RBFOX1: variants seen among roughly 807,000 people sequenced by gnomAD.
RBFOX1 encodes RNA binding protein fox-1 homolog 1.
RBFOX1 carries 8 observed loss-of-function variants against 57.7 expected under a neutral mutation model. The observed-to-expected ratio is 0.14, with a 90% CI of 0.08 to 0.25. The LOEUF (loss-of-function observed/expected upper bound fraction) is 0.25. Among genes scored for constraint, RBFOX1 ranks in the 10% least tolerant of loss-of-function variants. RBFOX1 has a pLI of 1.00. For synonymous variants in RBFOX1, 326 were observed against 222.4 expected, an observed-to-expected ratio of 1.47 and a Z score of -4.15; for missense variants, 611 against 548.5, an observed-to-expected ratio of 1.11 and a Z score of -1.14.
chr16:6,696,256 C>T (rs1273378133), intron 3 of RBFOX1, among the ~76,000 whole-genome samples: 1 of 152,122 alleles, frequency 6.6e-6, no homozygotes, highest in Non-Finnish European at 1.5e-5. Flanking sequence ...ATTACAGGCA[C>T]ATAATTGTCA....
intron 2 of RBFOX1, among the ~76,000 whole-genome samples, chr16:6,391,757 A>G (rs1333034434): frequency 6.6e-6 from 1 of 152,158 alleles, no homozygotes. Flanking sequence ...CAGGGAGAGA[A>G]GGAGAAGATT....
chr16:6,499,700 G>T (rs1342429471), intron 2 of RBFOX1, among the ~76,000 whole-genome samples: 1 of 151,898 alleles, frequency 6.6e-6, no homozygotes, highest in African/African-American at 2.4e-5. Context: ...TCCTATGTTG[G>T]CTGGTTTTCC....
At chr16:6,966,336 C>G (rs143539989) in intron 3 of RBFOX1, among the ~76,000 whole-genome samples, 4 of 152,064 alleles carry the variant, frequency 2.6e-5, no homozygotes, top group Non-Finnish European at 5.9e-5. Flanking sequence ...AGTTTTGGCT[C>G]TCAGAGCACA....
chr16:5,506,382 C>G (rs1357112970), intron 2 of RBFOX1, among the ~76,000 whole-genome samples: 1 of 152,218 alleles, frequency 6.6e-6, no homozygotes, highest in African/African-American at 2.4e-5. Flanking sequence ...CCTTCTCTGA[C>G]TCCGTGGACT....
chr16:5,818,188 G>C (rs926999814), intron 3 of RBFOX1, among the ~76,000 whole-genome samples: 4 of 152,190 alleles, frequency 2.6e-5, no homozygotes, highest in African/African-American at 7.2e-5. Context: ...GAGCCAGGCT[G>C]TGTGTTAGGA....
chr16:5,631,093 T>C (rs1470200970), intron 3 of RBFOX1, among the ~76,000 whole-genome samples: 1 of 152,062 alleles, frequency 6.6e-6, no homozygotes, highest in African/African-American at 2.4e-5. Flanking sequence ...CACTCAGAGG[T>C]GCTGCATCTA....
At chr16:5,502,678 C>T (rs1183997874) in intron 2 of RBFOX1, among the ~76,000 whole-genome samples, 3 of 152,176 alleles carry the variant, frequency 2.0e-5, no homozygotes, top group Non-Finnish European at 4.4e-5. Flanking sequence ...GGGGTTAGAA[C>T]AGGCAGCAAC....
At chr16:5,536,538 G>A (rs940874038) in intron 2 of RBFOX1, among the ~76,000 whole-genome samples, 3 of 152,054 alleles carry the variant, frequency 2.0e-5, no homozygotes, top group African/African-American at 7.2e-5. Flanking sequence ...TCCTGGCCCT[G>A]TCTAGGTCTT....
At chr16:6,206,249 T>C (rs987392132) in intron 1 of RBFOX1, among the ~76,000 whole-genome samples, 2 of 152,134 alleles carry the variant, frequency 1.3e-5, no homozygotes, top group Non-Finnish European at 2.9e-5. Flanking sequence ...TCTTTCCCGC[T>C]GCCAGGACGT....
chr16:7,192,653 G>A (rs2085710423), intron 4 of RBFOX1, among the ~76,000 whole-genome samples: 2 of 152,104 alleles, frequency 1.3e-5, no homozygotes, highest in Admixed American at 1.3e-4. Context: ...TCATAGTATT[G>A]TTTCGACGTC....
intron 4 of RBFOX1, among the ~76,000 whole-genome samples, chr16:7,082,816 G>A (rs1205557462): frequency 1.3e-5 from 2 of 152,140 alleles, no homozygotes; most frequent in Non-Finnish European, 2.9e-5. Context: ...ATCAGTGTTG[G>A]TTTCAGGCTA....
rs530339024 is a variant in RBFOX1 at position 7,078,791 on chromosome 16, T to G, written c.27+26693T>G. ...TCCACTTCCCGAGTTCAAGCGATTC[T>G]CCTGCCTCATCCTCCCGAGTAGCTG... On this transcript the variant is annotated intron_variant, in intron 4 of 15. Coordinates refer to ENST00000550418, the MANE Select transcript of RBFOX1 (RefSeq NM_018723.4). 3.4e-5 allele frequency among the ~76,000 whole-genome samples: 5 copies of G among 147,972 alleles called. No individual in the cohort carries two copies. In the South Asian group the frequency reaches 1.1e-3, roughly 33 times the overall value.
intron 1 of RBFOX1, among the ~76,000 whole-genome samples, chr16:6,253,856 A>T (rs149254392): frequency 6.6e-6 from 1 of 152,088 alleles, no homozygotes; most frequent in African/African-American, 2.4e-5. Flanking sequence ...CCTTGCTTGC[A>T]TTGGTATTCC....
intron 1 of RBFOX1, chr16:5,366,184 A>G: frequency 2.4e-6 from 1 of 422,648 alleles, no homozygotes; most frequent in Non-Finnish European, 4.6e-6. Context: ...GAAGACAAAG[A>G]TATGAAACTC....
chr16:7,272,256 C>T (rs1489547655), intron 4 of RBFOX1, among the ~76,000 whole-genome samples: 1 of 152,172 alleles, frequency 6.6e-6, no homozygotes, highest in Non-Finnish European at 1.5e-5. Flanking sequence ...ATCACCTCGG[C>T]TCACTGCAAC....
At chr16:5,350,790 C>T (rs914963674) in intron 1 of RBFOX1, among the ~76,000 whole-genome samples, 7 of 152,198 alleles carry the variant, frequency 4.6e-5, no homozygotes, top group South Asian at 4.1e-4. Context: ...CACTTGAACC[C>T]GGAGGCGGAG....
chr16:5,994,182 G>C (rs1166164797), intron 4 of RBFOX1, among the ~76,000 whole-genome samples: 1 of 152,156 alleles, frequency 6.6e-6, no homozygotes, highest in Non-Finnish European at 1.5e-5. Context: ...ATGTTTTTGA[G>C]ACAGAGTCTT....
At chr16:7,614,332 A>T (rs1259243999) in intron 10 of RBFOX1, 2 of 151,934 alleles carry the variant, frequency 1.3e-5, no homozygotes, top group Admixed American at 6.6e-5. Context: ...GTTGTAATTC[A>T]CTTCGCTTCT....
At chr16:6,989,624 C>G (rs1287271363) in intron 3 of RBFOX1, among the ~76,000 whole-genome samples, 1 of 152,136 alleles carries the variant, frequency 6.6e-6, no homozygotes, top group Non-Finnish European at 1.5e-5. Flanking sequence ...GAAGTTATCT[C>G]TGCAGACTGT....
Sources: allele counts gnomAD v4.1 joint callset (sites outside exome capture counted in the v4.1 genomes callset), GRCh38; gene constraint gnomAD v4.1.1; transcripts MANE v1.5; gene names NCBI Gene and HGNC (gene_info 2026-07-23, HGNC 2026-07-21).